HLA-DQB2: variants seen among roughly 807,000 people sequenced by gnomAD.
HLA-DQB2 encodes the protein major histocompatibility complex, class II, DQ beta 2.
In HLA-DQB2, 24 loss-of-function variants were observed where a neutral mutation model predicts 29.2. The observed-to-expected ratio is 0.82, with a 90% CI of 0.60 to 1.16. HLA-DQB2 has a LOEUF of 1.16. HLA-DQB2 is among the 50% of genes most tolerant of loss of function. The probability of loss-of-function intolerance (pLI) is 0.00; values close to 1 mark genes in which losing one functional copy is unlikely to be tolerated. For synonymous variants in HLA-DQB2, 104 were observed against 133.1 expected, an observed-to-expected ratio of 0.78 and a Z score of 1.51; for missense variants, 273 against 343.6, an observed-to-expected ratio of 0.79 and a Z score of 1.62.
intron 1 of HLA-DQB2, 94 bp from the exon 2 acceptor site, chr6:32,762,020 G>A (rs942036780): frequency 1.3e-6 from 2 of 1,485,664 alleles, no homozygotes; most frequent in Non-Finnish European, 9.1e-7. Context: ...CCCTGACCCG[G>A]CCAGCAGCTG....
At chr6:32,758,774 G>C (rs993871488) in intron 3 of HLA-DQB2, 76 bp downstream of exon 3, 2 of 1,520,746 alleles carry the variant, frequency 1.3e-6, no homozygotes, top group South Asian at 1.3e-5. Context: ...ACAAGAGATG[G>C]GATGGGAAGG....
chr6:32,761,098 A>G (rs199627011), intron 2 of HLA-DQB2, among the ~76,000 whole-genome samples: 10,025 of 129,060 alleles, frequency 0.078, no homozygotes, highest in Middle Eastern at 0.16. Context: ...TTAAGAAAAC[A>G]GAATTACGAT....
rs967181037 is a variant in HLA-DQB2, at chr6:32,763,390, C to T, written c.81G>A (p.Glu27=). The T allele has an allele frequency of 1.3e-6, 2 of 1,560,966 alleles. No homozygotes were observed. Among genetic ancestry groups the T allele is most frequent in the African/African-American group, 1.4e-5 (1 of 73,828 alleles). The change falls in exon 1 of 6, where the codon GAG becomes GAA. Residue 27 remains glutamate, a synonymous_variant. Transcript: ENST00000437316. ...TGCACTTACTGGGAAAGTCTCTGGCCTCAGCCACTGGGGTGCTCAGCATCA... is the reference window on the plus strand; with the variant it reads ...TGCACTTACTGGGAAAGTCTCTGGCTTCAGCCACTGGGGTGCTCAGCATCA... ...MLVMLSTPVA[E]ARDFPKDFLV...
chr6:32,759,527 A>G (rs1213568898), intron 2 of HLA-DQB2, among the ~76,000 whole-genome samples: 1 of 146,720 alleles, frequency 6.8e-6, no homozygotes, highest in African/African-American at 2.5e-5. Flanking sequence ...TTCCCTGCAT[A>G]TTTTATACAT....
chr6:32,757,956 T>A, intron 3 of HLA-DQB2, 73 bp from the exon 4 acceptor site: 1 of 1,093,550 alleles, frequency 9.1e-7, no homozygotes, highest in Non-Finnish European at 1.3e-6. Context: ...GGTGGAGATG[T>A]CAGGGGACAC....
At position 32,757,275 on chromosome 6, in the gene HLA-DQB2, T is replaced by C; in HGVS notation, c.781+6A>G. ...TCCCCTGACTGGATCATGGCTGAAA[T>C]ATTACCTGCTGGTGGAGGCCCTCGA... On this transcript the variant is annotated splice_donor_region_variant and intron_variant, in intron 5 of 5. Coordinates refer to ENST00000437316, the MANE Select transcript of HLA-DQB2 (RefSeq NM_001300790.2). 6.4e-7 allele frequency: 1 copy of C among 1,550,446 alleles called. No homozygotes were observed. The highest frequency in any genetic ancestry group is 2.4e-5 in the East Asian group (1 of 40,922).
intron 3 of HLA-DQB2, among the ~76,000 whole-genome samples, chr6:32,758,632 T>C (rs1301468285): frequency 6.6e-6 from 1 of 152,216 alleles, no homozygotes; most frequent in Non-Finnish European, 1.5e-5. Flanking sequence ...AAGAATGGAC[T>C]AACACAAATG....
At chr6:32,761,427 G>A (rs1040475355) in intron 2 of HLA-DQB2, among the ~76,000 whole-genome samples, 1 of 152,222 alleles carries the variant, frequency 6.6e-6, no homozygotes, top group Non-Finnish European at 1.5e-5. Flanking sequence ...GACACACTGG[G>A]CAGCCTAACC....
In HLA-DQB2 at chr6:32,763,445, A is replaced by T. The variant is rs1471745169; in HGVS notation, c.26T>A (p.Phe9Tyr). ...CATCACGGTCACAGCTGCTGCCCAA[A>T]AGCCTCCAGGGATCTGCAGAGCCAT... MALQIPGG[F>Y]WAAAVTVMLV... The change falls in exon 1 of 6, where the codon TTT (phenylalanine) becomes TAT (tyrosine). Residue 9 changes from phenylalanine (F) to tyrosine (Y), a missense_variant. By Grantham distance (22) the Phe-to-Tyr change is conservative. Transcript: ENST00000437316. 1 of 1,560,460 alleles carries T rather than the reference A, an allele frequency of 6.4e-7. No individual in the cohort carries two copies. Among genetic ancestry groups the T allele is most frequent in the African/African-American group, 1.4e-5 (1 of 73,788 alleles).
intron 5 of HLA-DQB2, 149 bp downstream of exon 5, chr6:32,757,132 G>T (rs1764326043): frequency 1.4e-6 from 2 of 1,459,078 alleles, no homozygotes; most frequent in Non-Finnish European, 1.8e-6. Context: ...TGATTCTCTT[G>T]CCTCAACCTC....
rs1268004773 is a variant in HLA-DQB2, at chr6:32,758,791, G to T, written c.646+59C>A. 1.8e-5 allele frequency: 25 copies of T among 1,422,082 alleles called. No individual in the cohort carries two copies. The East Asian group carries it at 4.1e-4, about 24-fold the overall frequency. The allele number at this position is 1,422,082 out of a possible 1,614,324, so 88.1% of individuals were successfully genotyped here. A position where few individuals can be genotyped will look rare whatever the true frequency, so the allele number is the denominator to read the frequency against. On this transcript the variant is annotated intron_variant, in intron 3 of 5. Transcript: ENST00000437316. ...AAGAGATGGGATGGGAAGGATCAGC[G>T]GGAGCTCTGCCCTTTGTCTTGTGGG...
intron 2 of HLA-DQB2, among the ~76,000 whole-genome samples, 194 bp downstream of exon 2, chr6:32,761,466 T>C (rs1298302058): frequency 6.1e-5 from 9 of 147,880 alleles, no homozygotes. Context: ...AGGGATGCTT[T>C]TGTGCATCCC....
Position 32,761,931 on chromosome 6 carries a change from G to A in HLA-DQB2, c.98-5C>T, listed in dbSNP as rs140805830. On this transcript the variant is annotated splice_region_variant and splice_polypyrimidine_tract_variant and intron_variant, in intron 1 of 5. Coordinates refer to ENST00000437316, the MANE Select transcript of HLA-DQB2 (RefSeq NM_001300790.2). ...TAAACTGGACCAAGAAATCCTCTGC[G>A]GAGAATCACGGCGGGTCAGTCAGGC... 3.2e-3 allele frequency: 5,061 copies of A among 1,604,936 alleles called. 56 individuals are homozygous for A. Among genetic ancestry groups the A allele is most frequent in the African/African-American group, 0.026 (1,945 of 74,610 alleles).
Position 32,759,112 on chromosome 6 carries a change from G to T in HLA-DQB2, c.384C>A (p.Ile128=). 2 of 1,613,606 alleles carry T rather than the reference G, an allele frequency of 1.2e-6. No homozygotes were observed. Among genetic ancestry groups the T allele is most frequent in the South Asian group, 2.2e-5 (2 of 91,078 alleles). ...TGAGGGCCTCTGTCCTGGATGGGGA[G>T]ATGGTCACTGTGGGCTCCACTGAGG... is the stretch of plus-strand genomic sequence containing the variant. ...LQRQVEPTVT[I]SPSRTEALNH... is the part of the protein sequence containing the mutation. Residue 128 remains isoleucine (I), a synonymous_variant, in exon 3 of 6, where the codon ATC becomes ATA. Coordinates refer to ENST00000437316, the MANE Select transcript of HLA-DQB2 (RefSeq NM_001300790.2).
At chr6:32,758,277 G>T (rs1279334926) in intron 3 of HLA-DQB2, among the ~76,000 whole-genome samples, 2 of 152,186 alleles carry the variant, frequency 1.3e-5, no homozygotes, top group Non-Finnish European at 2.9e-5. Context: ...CCAGATTCTT[G>T]TCACCATCTC....
In HLA-DQB2 at chr6:32,761,894, A is replaced by G. The variant is rs1339217127; in HGVS notation, c.130T>C (p.Tyr44His). 2 of 1,612,604 alleles carry G rather than the reference A, an allele frequency of 1.2e-6. No individual in the cohort carries two copies. Among genetic ancestry groups the G allele is most frequent in the Non-Finnish European group, 1.7e-6 (2 of 1,179,492 alleles). The change falls in exon 2 of 6, where the codon TAC becomes CAC. Residue 44 changes from tyrosine to histidine, a missense_variant. By Grantham distance (83) the Tyr-to-His change is moderately conservative. Coordinates refer to ENST00000437316, the MANE Select transcript of HLA-DQB2 (RefSeq NM_001300790.2). ...DFLVQFKGMC[Y>H]FTNGTERVRG... ...ACGCGCTCTGTCCCGTTGGTGAAGT[A>G]GCACATGCCCTTAAACTGGACCAAG...
rs564683057 is a variant in HLA-DQB2, at chr6:32,760,618, G to C, written c.364+1042C>G. 7.7e-4 allele frequency among the ~76,000 whole-genome samples: 117 copies of C among 152,222 alleles called. 1 individual carries two copies. The highest frequency in any genetic ancestry group is 2.5e-3 in the African/African-American group (102 of 41,548). On this transcript the variant is annotated intron_variant, in intron 2 of 5. Coordinates refer to ENST00000437316, the MANE Select transcript of HLA-DQB2 (RefSeq NM_001300790.2). Reference sequence around the variant, plus strand: ...GTTTATGCCTGAAGTGGATAGTGATGGGGGGAGGGAGAAAATCTACTCCAA... The same window carrying C: ...GTTTATGCCTGAAGTGGATAGTGATCGGGGGAGGGAGAAAATCTACTCCAA...
chr6:32,762,976 C>T (rs1222378466), intron 1 of HLA-DQB2, among the ~76,000 whole-genome samples: 3 of 152,162 alleles, frequency 2.0e-5, no homozygotes, highest in Non-Finnish European at 4.4e-5. Context: ...ACTCCTTTAC[C>T]TCCAATACAG....
chr6:32,761,660 C>G lies in HLA-DQB2; in HGVS notation c.364G>C (p.Val122Leu). 6.5e-7 allele frequency: 1 copy of G among 1,546,976 alleles called. No homozygotes were observed. Among genetic ancestry groups the G allele is most frequent in the Non-Finnish European group, 8.7e-7 (1 of 1,146,494 alleles). The change falls in exon 2 of 6, where the codon GTG becomes CTG. Residue 122 changes from valine to leucine, a missense_variant and splice_region_variant. Physicochemically the swap from Val to Leu is conservative, Grantham distance 32. Coordinates refer to ENST00000437316, the MANE Select transcript of HLA-DQB2 (RefSeq NM_001300790.2). The stretch of plus-strand genomic sequence containing the variant: ...CCCGCGGAAGGACGACGACGCTCAC[C>G]TTGCCGCTGCAAGGTCGTGCGCAGC... ...AELRTTLQRQ[V>L]EPTVTISPSR...
Sources: allele counts gnomAD v4.1 joint callset (sites outside exome capture counted in the v4.1 genomes callset), GRCh38; gene constraint gnomAD v4.1.1; transcripts MANE v1.5; gene names NCBI Gene and HGNC (gene_info 2026-07-23, HGNC 2026-07-21).